The following CCDC178 variants were observed in gnomAD, a reference collection of about 807,000 sequenced individuals.
CCDC178 encodes the protein coiled-coil domain containing 178, also known as coiled-coil domain-containing protein 178.
Under a neutral mutation model 117.4 loss-of-function variants are expected in CCDC178, and 126 were observed. The ratio of observed to expected loss-of-function variants is 1.07; its 90% confidence interval spans 0.93 to 1.24. CCDC178 has a LOEUF of 1.24. CCDC178 is among the 50% of genes most tolerant of loss of function. CCDC178 has a pLI of 0.00. For missense variants in CCDC178, 1,030 were observed against 986.9 expected (o/e 1.04, Z -0.59); for synonymous variants, 283 against 313.4 (o/e 0.90, Z 1.02).
chr18:33,153,136 TTA>T (rs10604490), intron 20 of CCDC178, among the ~76,000 whole-genome samples: 11,988 of 144,084 alleles, frequency 0.083, 889 homozygotes, highest in African/African-American at 0.2. Flanking sequence ...TGAGTGACAA[TTA>T]TATATATATA....
intron 20 of CCDC178, among the ~76,000 whole-genome samples, chr18:33,166,889 A>G (rs572199707): frequency 5.3e-5 from 8 of 152,254 alleles, no homozygotes; most frequent in Non-Finnish European, 1.0e-4. Context: ...GGTAATAAGC[A>G]TAGTACCTGA....
At chr18:33,359,409 T>C (rs897605483) in intron 6 of CCDC178, among the ~76,000 whole-genome samples, 1 of 151,672 alleles carries the variant, frequency 6.6e-6, no homozygotes, top group Non-Finnish European at 1.5e-5. Flanking sequence ...CAGTCTTTGA[T>C]CTGATGTGTG....
intron 7 of CCDC178, among the ~76,000 whole-genome samples, chr18:33,354,798 A>G (rs918470262): frequency 6.6e-6 from 1 of 151,984 alleles, no homozygotes; most frequent in Non-Finnish European, 1.5e-5. Context: ...TGTTTTTAGT[A>G]AAGACGGGGT....
intron 21 of CCDC178, among the ~76,000 whole-genome samples, chr18:33,011,936 T>G (rs937596808): frequency 6.6e-6 from 1 of 152,038 alleles, no homozygotes; most frequent in African/African-American, 2.4e-5. Flanking sequence ...TTGATTTTCT[T>G]GCAAGACAGG....
chr18:32,966,471 T>C (rs117562112), intron 22 of CCDC178, among the ~76,000 whole-genome samples: 2,387 of 151,988 alleles, frequency 0.016, 20 homozygotes, highest in Non-Finnish European at 0.022. Context: ...TAAAAAATGT[T>C]CATCAACTAT....
At chr18:33,165,767 C>G (rs1376482129) in intron 20 of CCDC178, among the ~76,000 whole-genome samples, 1 of 152,138 alleles carries the variant, frequency 6.6e-6, no homozygotes, top group East Asian at 1.9e-4. Context: ...CACACAAGTG[C>G]TTTTCCTAGA....
intron 21 of CCDC178, among the ~76,000 whole-genome samples, chr18:33,065,609 G>A (rs544796270): frequency 2.6e-5 from 4 of 152,198 alleles, no homozygotes; most frequent in African/African-American, 9.6e-5. Flanking sequence ...ATTCAGCCTC[G>A]AAGGGTCTTC....
chr18:32,964,799 G>A (rs367825188), intron 22 of CCDC178, among the ~76,000 whole-genome samples: 2 of 151,920 alleles, frequency 1.3e-5, no homozygotes, highest in African/African-American at 4.8e-5. Context: ...CCCATAGAAA[G>A]AGAGATTTTT....
At chr18:33,059,113 C>A (rs1400824118) in intron 21 of CCDC178, among the ~76,000 whole-genome samples, 2 of 152,066 alleles carry the variant, frequency 1.3e-5, no homozygotes, top group African/African-American at 4.8e-5. Context: ...GAATTTTATT[C>A]CACAGGGGGC....
intron 20 of CCDC178, among the ~76,000 whole-genome samples, chr18:33,172,177 G>A (rs1403306255): frequency 6.6e-6 from 1 of 152,098 alleles, no homozygotes; most frequent in Non-Finnish European, 1.5e-5. Flanking sequence ...GTACAGGTGT[G>A]AGCCACCACG....
Position 33,120,651 on chromosome 18 carries a change from TA to T in CCDC178, c.2239-27742del, listed in dbSNP as rs757389611. Among the ~76,000 whole-genome samples, 33 of 152,282 alleles carry T rather than the reference TA, an allele frequency of 2.2e-4. No homozygotes were observed. In the South Asian group the frequency reaches 6.6e-3, roughly 31 times the overall value. On this transcript the variant is annotated intron_variant, in intron 20 of 22. Coordinates refer to ENST00000383096, the MANE Select transcript of CCDC178 (RefSeq NM_001105528.4). Reference sequence around the variant, plus strand: ...AAATGGATGGTGAAAAGGATAGCTATAAATAACATTTCCAATCATGTGATCA... The same window carrying T: ...AAATGGATGGTGAAAAGGATAGCTATAATAACATTTCCAATCATGTGATCA...
intron 18 of CCDC178, among the ~76,000 whole-genome samples, chr18:33,219,346 A>C (rs944686985): frequency 2.0e-5 from 3 of 152,158 alleles, no homozygotes; most frequent in Admixed American, 6.5e-5. Flanking sequence ...AACTAGTTCA[A>C]CCATTGTGGA....
intron 22 of CCDC178, among the ~76,000 whole-genome samples, chr18:32,949,273 C>T (rs1478155190): frequency 6.6e-6 from 1 of 151,896 alleles, no homozygotes; most frequent in Non-Finnish European, 1.5e-5. Flanking sequence ...TTCTCTATTT[C>T]TTTGTTTACA....
intron 21 of CCDC178, among the ~76,000 whole-genome samples, chr18:32,998,853 C>T (rs73415433): frequency 0.081 from 12,268 of 151,980 alleles, 1,650 homozygotes; most frequent in African/African-American, 0.28. Flanking sequence ...GTGAGATACC[C>T]AGGCCTTGGG....
chr18:32,967,720 G>A (rs1598740135), intron 22 of CCDC178, among the ~76,000 whole-genome samples: 1 of 150,728 alleles, frequency 6.6e-6, no homozygotes, highest in Non-Finnish European at 1.5e-5. Context: ...ATTTTTTATG[G>A]TACTTTTTTT....
intron 7 of CCDC178, among the ~76,000 whole-genome samples, chr18:33,349,895 CT>C (rs2062949733): frequency 6.6e-6 from 1 of 151,762 alleles, no homozygotes; most frequent in Non-Finnish European, 1.5e-5. Flanking sequence ...GCTTTAGTTA[CT>C]TGAAATTATT....
At chr18:33,028,383 A>G (rs1197027780) in intron 21 of CCDC178, among the ~76,000 whole-genome samples, 1 of 151,806 alleles carries the variant, frequency 6.6e-6, no homozygotes, top group African/African-American at 2.4e-5. Context: ...AAATGAAATG[A>G]ACAACTTCTT....
At chr18:33,008,076 C>T (rs147383771) in intron 21 of CCDC178, among the ~76,000 whole-genome samples, 8 of 152,106 alleles carry the variant, frequency 5.3e-5, no homozygotes, top group African/African-American at 1.7e-4. Context: ...AATCAGTGGA[C>T]GAAAACAGAA....
chr18:32,985,373 G>C (rs1358082137), intron 21 of CCDC178, among the ~76,000 whole-genome samples: 1 of 151,804 alleles, frequency 6.6e-6, no homozygotes, highest in Non-Finnish European at 1.5e-5. Context: ...AAAAATCATG[G>C]GTCAGAAAGT....
Sources: allele counts gnomAD v4.1 joint callset (sites outside exome capture counted in the v4.1 genomes callset), GRCh38; gene constraint gnomAD v4.1.1; transcripts MANE v1.5; gene names NCBI Gene and HGNC (gene_info 2026-07-23, HGNC 2026-07-21).